XPR1: variants seen among roughly 807,000 people sequenced by gnomAD.
The protein encoded by XPR1 is xenotropic and polytropic retrovirus receptor 1.
A neutral mutation model predicts 87.5 loss-of-function variants in XPR1; 28 were observed. The observed-to-expected ratio is 0.32, with a 90% CI of 0.24 to 0.44. The LOEUF (loss-of-function observed/expected upper bound fraction) is 0.44, where lower values mean the gene tolerates loss of function less well. Among genes scored for constraint, XPR1 ranks in the 20% least tolerant of loss-of-function variants. The probability of loss-of-function intolerance (pLI) is 1.00; values close to 1 mark genes in which losing one functional copy is unlikely to be tolerated. For missense variants in XPR1, 559 were observed against 862.3 expected (o/e 0.65, Z 4.41); for synonymous variants, 300 against 306.1 (o/e 0.98, Z 0.21).
chr1:180,649,278 A>G (rs1655216622), intron 1 of XPR1, among the ~76,000 whole-genome samples: 1 of 151,948 alleles, frequency 6.6e-6, no homozygotes, highest in African/African-American at 2.4e-5. Context: ...ACAAAAAAAA[A>G]AAAATTATCT....
chr1:180,866,010 C>A (rs1313524578), intron 12 of XPR1, among the ~76,000 whole-genome samples: 1 of 151,840 alleles, frequency 6.6e-6, no homozygotes. Flanking sequence ...TCCAGACCAG[C>A]CTAGGCATCA....
At chr1:180,682,704 C>T (rs1171540409) in intron 2 of XPR1, among the ~76,000 whole-genome samples, 2 of 151,858 alleles carry the variant, frequency 1.3e-5, no homozygotes, top group Admixed American at 6.6e-5. Context: ...TCCTTGCCTT[C>T]CCTCCCCTCC....
In XPR1 at chr1:180,666,350, T is replaced by C. The variant is rs2101924981; in HGVS notation, c.70-16010T>C. Among the ~76,000 whole-genome samples the C allele has an allele frequency of 1.3e-5, 2 of 152,340 alleles. 1 individual carries two copies. Among genetic ancestry groups the C allele is most frequent in the South Asian group, 4.1e-4 (2 of 4,824 alleles). ...AGATGTTTAGGATTTCGATAGGTAC[T>C]GGACTGAATTGTAGATCGCTTTGAG... is the stretch of plus-strand genomic sequence containing the variant. On this transcript the variant is annotated intron_variant, in intron 1 of 14. Transcript: ENST00000367590.
At chr1:180,730,904 C>T (rs951199134) in intron 2 of XPR1, among the ~76,000 whole-genome samples, 11 of 151,854 alleles carry the variant, frequency 7.2e-5, no homozygotes, top group Non-Finnish European at 7.4e-5. Flanking sequence ...TGGGCTCAAG[C>T]GATCCTCCTC....
At chr1:180,865,982 CAGA>C (rs1652376407) in intron 12 of XPR1, among the ~76,000 whole-genome samples, 1 of 152,076 alleles carries the variant, frequency 6.6e-6, no homozygotes, top group South Asian at 2.1e-4. Context: ...GAGGCCAGGA[CAGA>C]AGAATTGCTT....
intron 1 of XPR1, among the ~76,000 whole-genome samples, chr1:180,650,233 C>T (rs1303462814): frequency 1.3e-5 from 2 of 152,002 alleles, no homozygotes; most frequent in African/African-American, 4.8e-5. Context: ...GCCGTCCCCC[C>T]AACTTTTTTT....
At chr1:180,728,306 G>C (rs561846928) in intron 2 of XPR1, among the ~76,000 whole-genome samples, 1 of 142,824 alleles carries the variant, frequency 7.0e-6, no homozygotes, top group African/African-American at 2.6e-5. Context: ...CTGGGGGGGG[G>C]GGTAGTAATG....
At position 180,672,455 on chromosome 1, in the gene XPR1, T is replaced by G. The variant is rs1479012630; in HGVS notation, c.70-9905T>G. Among the ~76,000 whole-genome samples, 37 of 152,218 alleles carry G rather than the reference T, an allele frequency of 2.4e-4. 1 individual carries two copies. The highest frequency in any genetic ancestry group is 2.4e-3 in the Admixed American group (37 of 15,280). On this transcript the variant is annotated intron_variant, in intron 1 of 14. Transcript: ENST00000367590. ...TTCTATCATTAGAACCAAAGCTAAG[T>G]AAGTTTATTTGTATTTTGGGATAGA... is the stretch of plus-strand genomic sequence containing the variant.
intron 2 of XPR1, among the ~76,000 whole-genome samples, chr1:180,694,614 G>A (rs1446375959): frequency 6.6e-6 from 1 of 151,426 alleles, no homozygotes; most frequent in Non-Finnish European, 1.5e-5. Flanking sequence ...CTGGATCAAT[G>A]TATTCCCCTT....
chr1:180,866,584 G>A (rs1478379709), intron 12 of XPR1, among the ~76,000 whole-genome samples: 1 of 152,140 alleles, frequency 6.6e-6, no homozygotes, highest in African/African-American at 2.4e-5. Context: ...ACATGAAATT[G>A]CAGTTCTTCA....
chr1:180,644,211 A>T (rs191566690), intron 1 of XPR1, among the ~76,000 whole-genome samples: 2 of 152,304 alleles, frequency 1.3e-5, no homozygotes, highest in Admixed American at 1.3e-4. Context: ...GGCTGATTAT[A>T]TACTATAATT....
chr1:180,710,791 C>A (rs571493377), intron 2 of XPR1, among the ~76,000 whole-genome samples: 1 of 151,198 alleles, frequency 6.6e-6, no homozygotes, highest in Non-Finnish European at 1.5e-5. Flanking sequence ...CAGAGGCGCC[C>A]CCCCACCTCC....
At chr1:180,807,118 G>A (rs1342243913) in intron 6 of XPR1, among the ~76,000 whole-genome samples, 1 of 152,034 alleles carries the variant, frequency 6.6e-6, no homozygotes, top group Non-Finnish European at 1.5e-5. Context: ...ATACTCAATG[G>A]TAAACACTGC....
At chr1:180,731,777 A>G (rs73034864) in intron 2 of XPR1, among the ~76,000 whole-genome samples, 6,561 of 152,290 alleles carry the variant, frequency 0.043, 506 homozygotes, top group African/African-American at 0.15. Flanking sequence ...CTGTGTTTTT[A>G]ATTCTTAAAG....
intron 12 of XPR1, among the ~76,000 whole-genome samples, chr1:180,866,824 T>A (rs1354990697): frequency 3.7e-5 from 5 of 136,160 alleles, no homozygotes; most frequent in Admixed American, 3.7e-4. Flanking sequence ...TTTTTTTTTT[T>A]ATTATACTCT....
rs1280778920 is a variant in XPR1 at position 180,890,122 on chromosome 1, G to A, written c.*6056G>A. On this transcript the variant is annotated 3_prime_UTR_variant, in exon 15 of 15. Coordinates refer to ENST00000367590, the MANE Select transcript of XPR1 (RefSeq NM_004736.4). Reference sequence around the variant, plus strand: ...TAGGTTAAATGCACAATGTGGTACTGTTTTATAGTTTCTAGATGGTTGTAT... The same window carrying A: ...TAGGTTAAATGCACAATGTGGTACTATTTTATAGTTTCTAGATGGTTGTAT... The A allele has an allele frequency of 1.3e-5, 2 of 152,184 alleles. No homozygotes were observed. Among genetic ancestry groups the A allele is most frequent in the Non-Finnish European group, 2.9e-5 (2 of 68,028 alleles). 9.4% of individuals were successfully genotyped at this position (152,184 alleles called of 1,614,324 possible). A position where few individuals can be genotyped will look rare whatever the true frequency, so the allele number is the denominator to read the frequency against.
At chr1:180,882,874 A>G (rs1468350739) in intron 14 of XPR1, among the ~76,000 whole-genome samples, 1 of 151,420 alleles carries the variant, frequency 6.6e-6, no homozygotes, top group Non-Finnish European at 1.5e-5. Flanking sequence ...CTGCTGGCTA[A>G]CTCTTTTGGT....
intron 1 of XPR1, 106 bp from the exon 2 acceptor site, chr1:180,682,254 G>C (rs1371089252): frequency 4.1e-6 from 3 of 730,326 alleles, no homozygotes; most frequent in Non-Finnish European, 6.5e-6. Context: ...AATTTAGGGA[G>C]CTATGAGTGG....
chr1:180,805,923 T>G, intron 4 of XPR1, 139 bp from the exon 5 acceptor site: 1 of 840,176 alleles, frequency 1.2e-6, no homozygotes, highest in South Asian at 2.4e-5. Flanking sequence ...TAGTAGTAGA[T>G]GCTTTTATGA....
Sources: gnomAD v4.1 joint callset for allele counts (sites outside exome capture counted in the v4.1 genomes callset) on GRCh38, gnomAD v4.1.1 for gene constraint, MANE v1.5 for transcripts, NCBI Gene and HGNC (gene_info 2026-07-23, HGNC 2026-07-21) for gene names.